The following SPTBN1 variants were observed in gnomAD, a reference collection of about 807,000 sequenced individuals.
The protein encoded by SPTBN1 is spectrin beta chain, non-erythrocytic 1.
Under a neutral mutation model 266.4 loss-of-function variants are expected in SPTBN1, and 32 were observed. That is an observed-to-expected ratio of 0.12 (90% confidence interval 0.09 to 0.16). The LOEUF (loss-of-function observed/expected upper bound fraction) is 0.16. Among genes scored for constraint, SPTBN1 ranks in the 10% least tolerant of loss-of-function variants. The pLI is 1.00. For missense variants in SPTBN1, 2,296 were observed against 3,067.1 expected (o/e 0.75, Z 5.94); for synonymous variants, 1,336 against 1,162.2 (o/e 1.15, Z -3.04).
chr2:54,573,695 TTAGAATAATTA>T (rs1674250805), intron 2 of SPTBN1, among the ~76,000 whole-genome samples: 1 of 152,228 alleles, frequency 6.6e-6, no homozygotes, highest in African/African-American at 2.4e-5. Flanking sequence ...GACATGGTCA[TTAGAATAATTA>T]TGATTCTTAG....
intron 8 of SPTBN1, 118 bp from the exon 9 acceptor site, chr2:54,622,182 G>T (rs1054497219): frequency 1.6e-5 from 17 of 1,072,416 alleles, no homozygotes; most frequent in Non-Finnish European, 2.3e-5. Context: ...CTGTTTCAGA[G>T]CTGGCCAAAC....
In SPTBN1 at chr2:54,526,479, G is replaced by A; in HGVS notation, c.61G>A (p.Val21Ile). The part of the protein sequence containing the change: ...NIEIQQQYSD[V>I]NNRWDVDDWD... ...TGAGATCCAGCAGCAGTACAGTGATGTCAACAACCGCTGGGATGTCGACGA... is the reference window on the plus strand; with the variant it reads ...TGAGATCCAGCAGCAGTACAGTGATATCAACAACCGCTGGGATGTCGACGA... Residue 21 changes from valine to isoleucine, a missense_variant, in exon 2 of 36, where the codon GTC (valine) becomes ATC (isoleucine). Transcript: ENST00000356805. 1 of 1,614,200 alleles carries A rather than the reference G, an allele frequency of 6.2e-7. No homozygotes were observed. Among genetic ancestry groups the A allele is most frequent in the Non-Finnish European group, 8.5e-7 (1 of 1,180,040 alleles).
At position 54,522,653 on chromosome 2, in the gene SPTBN1, A is replaced by AGGAGAGAGAGAGAGAGAG. The variant is rs1670517766; in HGVS notation, c.-47-3718_-47-3717insGAGAGAGAGAGAGAGAGG. 1.2e-4 allele frequency among the ~76,000 whole-genome samples: 5 copies of AGGAGAGAGAGAGAGAGAG among 42,166 alleles called. No homozygotes were observed. In the South Asian group the frequency reaches 3.2e-3, roughly 27 times the overall value. 27.7% of individuals were successfully genotyped at this position (42,166 alleles called of 152,430 possible). A position where few individuals can be genotyped will look rare whatever the true frequency, so the allele number is the denominator to read the frequency against. The stretch of plus-strand genomic sequence containing the variant: ...CTCAAAAAGAAAGAAAGAAAGAGAG[A>AGGAGAGAGAGAGAGAGAG]GAGAAAGAGAGAGAGAGAGAGAGAG... On this transcript the variant is annotated intron_variant, in intron 1 of 35. Transcript: ENST00000356805.
At chr2:54,668,267 G>C in intron 35 of SPTBN1, 84 bp from the exon 36 acceptor site, 1 of 1,370,284 alleles carries the variant, frequency 7.3e-7, no homozygotes. Context: ...CAGTTGGCCA[G>C]ATGCGCCATT....
At chr2:54,548,700 C>T (rs747682323) in intron 2 of SPTBN1, among the ~76,000 whole-genome samples, 2 of 152,190 alleles carry the variant, frequency 1.3e-5, no homozygotes, top group African/African-American at 4.8e-5. Context: ...TCTGGGCACA[C>T]GGCTCTGTGC....
intron 4 of SPTBN1, among the ~76,000 whole-genome samples, chr2:54,613,367 A>G (rs1677361628): frequency 6.6e-6 from 1 of 152,252 alleles, no homozygotes; most frequent in Non-Finnish European, 1.5e-5. Context: ...CGAAAAATCA[A>G]ATTATAACTT....
intron 2 of SPTBN1, among the ~76,000 whole-genome samples, chr2:54,593,679 G>A (rs1014969931): frequency 3.9e-5 from 6 of 152,246 alleles, no homozygotes; most frequent in Non-Finnish European, 7.4e-5. Flanking sequence ...GTGGGCCACA[G>A]AGACAGGTCT....
intron 27 of SPTBN1, 109 bp from the exon 28 acceptor site, chr2:54,654,959 CAG>C: frequency 1.6e-6 from 1 of 614,748 alleles, no homozygotes; most frequent in East Asian, 5.5e-5. Context: ...GAAAGACCAT[CAG>C]TTTCTTTCAA....
rs1254904922 is a variant in SPTBN1, at chr2:54,626,847, T to C, written c.1644+613T>C. 2.0e-5 allele frequency among the ~76,000 whole-genome samples: 3 copies of C among 152,222 alleles called. No individual in the cohort carries two copies. Among genetic ancestry groups the C allele is most frequent in the Non-Finnish European group, 4.4e-5 (3 of 68,036 alleles). Reference sequence around the variant, plus strand: ...TGGCAGTGGCTGGTCATGCCATTTATTGACTGCTCTTAGCATAGAGTTCCA... The same window carrying C: ...TGGCAGTGGCTGGTCATGCCATTTACTGACTGCTCTTAGCATAGAGTTCCA... On this transcript the variant is annotated intron_variant, in intron 12 of 35. Coordinates refer to ENST00000356805, the MANE Select transcript of SPTBN1 (RefSeq NM_003128.3). This position sits in a 1 kb window ranked among gnomAD's most constrained non-coding sequence, Gnocchi z 4.7.
intron 1 of SPTBN1, among the ~76,000 whole-genome samples, chr2:54,491,595 TTCTC>T (rs1455766058): frequency 2.0e-5 from 3 of 152,252 alleles, no homozygotes; most frequent in East Asian, 3.9e-4. Context: ...TACTTCTAAT[TTCTC>T]TCTCTTTTTT....
At position 54,670,958 on chromosome 2, in the gene SPTBN1, G is replaced by GTT; in HGVS notation, c.*2398_*2399dup. 2.9e-6 allele frequency: 1 copy of GTT among 344,440 alleles called. No homozygotes were observed. The highest frequency in any genetic ancestry group is 5.2e-6 in the Non-Finnish European group (1 of 193,246). 21.3% of individuals were successfully genotyped at this position (344,440 alleles called of 1,614,324 possible). On this transcript the variant is annotated 3_prime_UTR_variant, in exon 36 of 36. Coordinates refer to ENST00000356805, the MANE Select transcript of SPTBN1 (RefSeq NM_003128.3). ...AGGGTAAATAGTTTTTGGGTTTTTT[G>GTT]TTTTTTTTTTATTCTTCCACTATCA... is the stretch of plus-strand genomic sequence containing the variant.
chr2:54,505,882 T>C (rs1669525933), intron 1 of SPTBN1, among the ~76,000 whole-genome samples: 1 of 152,052 alleles, frequency 6.6e-6, no homozygotes, highest in African/African-American at 2.4e-5. Context: ...CCCAGCACTT[T>C]GGGAGGCTGA....
intron 35 of SPTBN1, among the ~76,000 whole-genome samples, chr2:54,667,949 CG>C (rs1681475441): frequency 6.6e-6 from 1 of 152,194 alleles, no homozygotes; most frequent in South Asian, 2.1e-4. Context: ...ATGGGACCCC[CG>C]CTGCACCCTT....
chr2:54,472,059 G>T, intron 1 of SPTBN1, among the ~76,000 whole-genome samples: 1 of 110,192 alleles, frequency 9.1e-6, no homozygotes, highest in East Asian at 2.9e-4. Flanking sequence ...ACTGAGTCTC[G>T]CTCTGTCGCC....
chr2:54,559,476 A>G (rs992389401), intron 2 of SPTBN1, among the ~76,000 whole-genome samples: 1 of 152,202 alleles, frequency 6.6e-6, no homozygotes. Context: ...TGTCATTTCA[A>G]CCCTATGGGT....
chr2:54,459,121 T>C (rs1452918397), intron 1 of SPTBN1, among the ~76,000 whole-genome samples: 2 of 152,270 alleles, frequency 1.3e-5, no homozygotes, highest in African/African-American at 4.8e-5. Flanking sequence ...ACAGGAGGTT[T>C]AGCTGTTCTG....
chr2:54,457,048 C>T (rs1243780601), intron 1 of SPTBN1, among the ~76,000 whole-genome samples: 1 of 151,512 alleles, frequency 6.6e-6, no homozygotes, highest in East Asian at 1.9e-4. Flanking sequence ...GCAGGGGATG[C>T]GGCCAGGCGT....
At position 54,632,631 on chromosome 2, in the gene SPTBN1, G is replaced by A; in HGVS notation, c.3630G>A (p.Lys1210=). ...AAGGAGCTGAAGCAGCAATTAAAAA[G>A]CAAGAGGACTTCATGACCACCATGG... The part of the protein sequence containing the change: ...TLEGAEAAIK[K]QEDFMTTMDA... The change falls in exon 17 of 36, where the codon AAG becomes AAA. Residue 1210 remains lysine (K), a synonymous_variant. Coordinates refer to ENST00000356805, the MANE Select transcript of SPTBN1 (RefSeq NM_003128.3). 1.2e-6 allele frequency: 2 copies of A among 1,614,106 alleles called. No individual in the cohort carries two copies. Among genetic ancestry groups the A allele is most frequent in the Non-Finnish European group, 8.5e-7 (1 of 1,180,048 alleles).
intron 31 of SPTBN1, 64 bp from the exon 32 acceptor site, chr2:54,659,872 C>G: frequency 1.9e-6 from 3 of 1,567,818 alleles, no homozygotes; most frequent in Non-Finnish European, 2.6e-6. Context: ...CCCACCCTTT[C>G]TTACTGTTTC....
Sources: allele counts gnomAD v4.1 joint callset (sites outside exome capture counted in the v4.1 genomes callset), GRCh38; gene constraint gnomAD v4.1.1; non-coding constraint Gnocchi (gnomAD v3.1); transcripts MANE v1.5; gene names NCBI Gene and HGNC (gene_info 2026-07-23, HGNC 2026-07-21).